RSF1: variants seen among roughly 807,000 people sequenced by gnomAD.
RSF1 encodes remodeling and spacing factor 1.
RSF1 carries 13 observed loss-of-function variants against 145.2 expected under a neutral mutation model. That is an observed-to-expected ratio of 0.09 (90% CI 0.06 to 0.14). The LOEUF (loss-of-function observed/expected upper bound fraction) is 0.14. RSF1 is among the 10% of genes least tolerant of loss of function. The pLI, the probability that RSF1 is intolerant of heterozygous loss-of-function variation, is 1.00. For synonymous variants in RSF1, 577 were observed against 592.6 expected (o/e 0.97, Z 0.38); for missense variants, 1,517 against 1,718.2 (o/e 0.88, Z 2.07).
intron 1 of RSF1, among the ~76,000 whole-genome samples, chr11:77,768,452 C>T (rs772824728): frequency 3.3e-5 from 5 of 152,114 alleles, no homozygotes; most frequent in Admixed American, 2.0e-4. Flanking sequence ...TGAGCCACTG[C>T]GCCCGGCCAA....
intron 5 of RSF1, among the ~76,000 whole-genome samples, chr11:77,705,565 A>G (rs1484306155): frequency 1.3e-5 from 2 of 152,148 alleles, no homozygotes. Flanking sequence ...AACAGAACTT[A>G]TTTTGTTCAG....
intron 2 of RSF1, among the ~76,000 whole-genome samples, chr11:77,759,713 T>C (rs538462813): frequency 2.6e-5 from 4 of 152,174 alleles, no homozygotes; most frequent in Admixed American, 2.6e-4. Context: ...TCCTTTGCAA[T>C]ATATAAAGCA....
chr11:77,782,728 C>G (rs972750479), intron 1 of RSF1, among the ~76,000 whole-genome samples: 1 of 152,138 alleles, frequency 6.6e-6, no homozygotes, highest in Non-Finnish European at 1.5e-5. Flanking sequence ...ATCTTAGTGT[C>G]TGTAACGTTT....
At chr11:77,737,621 G>GTGTGTGTGTGTGTGTGTGTGTGTGTGTGT (rs1554991241) in intron 4 of RSF1, among the ~76,000 whole-genome samples, 1 of 93,496 alleles carries the variant, frequency 1.1e-5, no homozygotes, top group African/African-American at 3.8e-5. Context: ...TGTTTTGGGG[G>GTGTGTGTGTGTGTGTGTGTGTGTGTGTGT]GTGTGTGTGT....
chr11:77,836,031 T>C, the RSF1 span, among the ~76,000 whole-genome samples: 1 of 152,196 alleles, frequency 6.6e-6, no homozygotes, highest in African/African-American at 2.4e-5. Context: ...ACTTATTAGC[T>C]ATATAACTTG....
At chr11:77,800,704 C>T (rs1479072531) in intron 1 of RSF1, among the ~76,000 whole-genome samples, 1 of 151,634 alleles carries the variant, frequency 6.6e-6, no homozygotes, top group Non-Finnish European at 1.5e-5. Context: ...CTCTACAAAA[C>T]ACTCAAAATT....
the RSF1 span, among the ~76,000 whole-genome samples, chr11:77,845,188 T>G: frequency 4.6e-5 from 7 of 152,314 alleles, no homozygotes; most frequent in Non-Finnish European, 1.0e-4. Flanking sequence ...CAAGTATTCT[T>G]TCTACTCCTA....
chr11:77,740,850 T>G lies in RSF1; in HGVS notation c.459A>C (p.Pro153=). 3 of 1,614,158 alleles carry G rather than the reference T, an allele frequency of 1.9e-6. No individual in the cohort carries two copies. The highest frequency in any genetic ancestry group is 2.5e-6 in the Non-Finnish European group (3 of 1,179,984). ...EEDADTMRLQ[P]IGRDKDGLMY... is the part of the protein sequence containing the mutation. ...TGAGGCCATCTTTGTCTCGACCAATTGGCTGGAGACGCATAGTATCGGCAT... is the reference window on the plus strand; with the variant it reads ...TGAGGCCATCTTTGTCTCGACCAATGGGCTGGAGACGCATAGTATCGGCAT... The change falls in exon 4 of 16, where the codon CCA becomes CCC. Residue 153 remains proline, a synonymous_variant. Transcript: ENST00000308488.
chr11:77,725,792 GA>G, intron 4 of RSF1, 93 bp from the exon 5 acceptor site: 1 of 981,646 alleles, frequency 1.0e-6, no homozygotes, highest in Non-Finnish European at 1.4e-6. Context: ...AATAAAAAAA[GA>G]AAAATACATT....
chr11:77,708,957 G>A (rs1332226439), intron 5 of RSF1, among the ~76,000 whole-genome samples: 1 of 152,160 alleles, frequency 6.6e-6, no homozygotes, highest in East Asian at 1.9e-4. Context: ...AGTGAAAAAG[G>A]AGTCATTGAC....
chr11:77,864,481 G>A, the RSF1 span, among the ~76,000 whole-genome samples: 1 of 152,198 alleles, frequency 6.6e-6, no homozygotes, highest in South Asian at 2.1e-4. Context: ...GGTTATTCTT[G>A]ATTGAGAACC....
In RSF1 at chr11:77,818,071, G is replaced by A. The variant is rs140234072; in HGVS notation, c.187+2457C>T. Among the ~76,000 whole-genome samples, 436 of 152,212 alleles carry A rather than the reference G, an allele frequency of 2.9e-3. 5 individuals carry two copies. The highest frequency in any genetic ancestry group is 0.01 in the African/African-American group (418 of 41,530). On this transcript the variant is annotated intron_variant, in intron 1 of 15. Coordinates refer to ENST00000308488, the MANE Select transcript of RSF1 (RefSeq NM_016578.4). ...ATTATTCTAAGATCACCTTATGATA[G>A]GATCTATTATTATCAGTCCCCTTAG...
chr11:77,685,356 C>A (rs555579010), intron 9 of RSF1, among the ~76,000 whole-genome samples, 197 bp from the exon 10 acceptor site: 1 of 152,094 alleles, frequency 6.6e-6, no homozygotes, highest in Admixed American at 6.6e-5. Context: ...AGTGCAGTGG[C>A]GTAATCTTAG....
intron 9 of RSF1, among the ~76,000 whole-genome samples, chr11:77,689,832 G>A (rs1237479090): frequency 1.3e-5 from 2 of 152,192 alleles, no homozygotes; most frequent in African/African-American, 4.8e-5. Flanking sequence ...CCCTTTTAAA[G>A]AGGAGGCTCA....
At chr11:77,704,015 CA>C (rs1960484364) in intron 5 of RSF1, among the ~76,000 whole-genome samples, 1 of 152,272 alleles carries the variant, frequency 6.6e-6, no homozygotes, top group South Asian at 2.1e-4. Context: ...CTTCAACTGC[CA>C]CGTGCAATGG....
At chr11:77,792,751 A>C (rs1477844769) in intron 1 of RSF1, among the ~76,000 whole-genome samples, 15 of 149,336 alleles carry the variant, frequency 1.0e-4, no homozygotes, top group Non-Finnish European at 1.8e-4. Flanking sequence ...AAAAAAAAAA[A>C]CTGCCAATCA....
At chr11:77,688,447 C>A (rs191498351) in intron 9 of RSF1, among the ~76,000 whole-genome samples, 1 of 152,172 alleles carries the variant, frequency 6.6e-6, no homozygotes, top group African/African-American at 2.4e-5. Flanking sequence ...AAGGAAAAAT[C>A]TAGTTTTTAT....
At chr11:77,714,144 G>A (rs548599770) in intron 5 of RSF1, among the ~76,000 whole-genome samples, 3 of 152,192 alleles carry the variant, frequency 2.0e-5, no homozygotes, top group East Asian at 3.9e-4. Flanking sequence ...TGTTTGTCCT[G>A]TTGTCCCTGT....
At chr11:77,867,029 CAA>C in the RSF1 span, among the ~76,000 whole-genome samples, 1 of 152,062 alleles carries the variant, frequency 6.6e-6, no homozygotes, top group African/African-American at 2.4e-5. Context: ...TTAGTAGAGA[CAA>C]AGTTTCACCA....
Sources: allele counts gnomAD v4.1 joint callset (sites outside exome capture counted in the v4.1 genomes callset), GRCh38; gene constraint gnomAD v4.1.1; transcripts MANE v1.5; gene names NCBI Gene and HGNC (gene_info 2026-07-23, HGNC 2026-07-21).